Variants in DST observed in about 807,000 individuals in gnomAD.
The protein encoded by DST is bullous pemphigoid antigen.
In DST, 253 loss-of-function variants were observed where a neutral mutation model predicts 875.2. That is an observed-to-expected ratio of 0.29 (90% confidence interval 0.26 to 0.32). The LOEUF (loss-of-function observed/expected upper bound fraction) is 0.32. Ranked by LOEUF, DST falls within the 10% of genes least tolerant of loss-of-function variation. The probability of loss-of-function intolerance (pLI) is 1.00; values close to 1 mark genes in which losing one functional copy is unlikely to be tolerated. For missense variants in DST, 8,287 were observed against 9,111.6 expected (o/e 0.91, Z 3.68); for synonymous variants, 3,124 against 3,197.1 (o/e 0.98, Z 0.77).
rs2152566496 is a variant in DST, at chr6:56,561,219, C to T, written c.14310+89G>A. The stretch of plus-strand genomic sequence containing the variant: ...AAGGTTACAGAGCTAGAAAAGAAAA[C>T]AGAGCAGAGCTTCTGACTACCAGAG... On this transcript the variant is annotated intron_variant, in intron 57 of 103. Coordinates refer to ENST00000680361, the MANE Select transcript of DST (RefSeq NM_001374736.1). 2.9e-6 allele frequency: 4 copies of T among 1,389,322 alleles called. No individual in the cohort carries two copies. The South Asian group carries it at 6.4e-5, about 22-fold the overall frequency. 86.1% of individuals were successfully genotyped at this position (1,389,322 alleles called of 1,614,324 possible).
At chr6:56,601,995 G>T in intron 43 of DST, 1 of 448,094 alleles carries the variant, frequency 2.2e-6, no homozygotes, top group South Asian at 1.7e-5. Flanking sequence ...TTAGCACACT[G>T]AAGAGAAACA....
chr6:56,908,131 A>G (rs1199223202), intron 2 of DST, among the ~76,000 whole-genome samples: 1 of 152,104 alleles, frequency 6.6e-6, no homozygotes, highest in African/African-American at 2.4e-5. Context: ...ATACACACAT[A>G]TATGTATATA....
intron 5 of DST, among the ~76,000 whole-genome samples, chr6:56,713,011 A>G (rs2099382928): frequency 6.6e-6 from 1 of 152,356 alleles, no homozygotes; most frequent in Middle Eastern, 3.4e-3. Context: ...CCTGGGACAG[A>G]TACAGCAACC....
In DST at chr6:56,511,358, T is replaced by G. The variant is rs1389125535; in HGVS notation, c.18619A>C (p.Lys6207Gln). 1 of 1,608,256 alleles carries G rather than the reference T, an allele frequency of 6.2e-7. No homozygotes were observed. The highest frequency in any genetic ancestry group is 1.1e-5 in the South Asian group (1 of 89,646). Residue 6207 changes from lysine to glutamine, a missense_variant, in exon 73 of 104, where the codon AAG (lysine) becomes CAG (glutamine). Lys to Gln is a moderately conservative substitution (Grantham distance 53, BLOSUM62 1). Transcript: ENST00000680361. ...AACTGTGGCCCAGTTTTGTTCATCT[T>G]ATCTATATGAGGCTTGTGTTCAGCT... ...LIAEHKPHID[K>Q]MNKTGPQLLE... is the part of the protein sequence containing the mutation.
At position 56,605,464 on chromosome 6, in the gene DST, A is replaced by G; in HGVS notation, c.9164T>C (p.Leu3055Ser). Reference sequence around the variant, plus strand: ...TTCTACAAGCACTTCTCCTTCACCCAAGTACATTTTCTGAATTGATGTTTC... The same window carrying G: ...TTCTACAAGCACTTCTCCTTCACCCGAGTACATTTTCTGAATTGATGTTTC... The part of the protein sequence containing the change: ...EDETSIQKMY[L>S]GEGEVLVEGL... The change falls in exon 40 of 104, where the codon TTG becomes TCG. Residue 3055 changes from leucine to serine, a missense_variant. Around this residue, in one of 10 missense-constraint regions of DST, gnomAD observed 3,138 missense variants for 3,116.6 expected, o/e 1.01. Transcript: ENST00000680361. 1.2e-6 allele frequency: 2 copies of G among 1,612,932 alleles called. No individual in the cohort carries two copies. Among genetic ancestry groups the G allele is most frequent in the Non-Finnish European group, 8.5e-7 (1 of 1,179,298 alleles).
At chr6:56,685,453 A>T (rs2099178739) in intron 9 of DST, among the ~76,000 whole-genome samples, 1 of 152,212 alleles carries the variant, frequency 6.6e-6, no homozygotes, top group Non-Finnish European at 1.5e-5. Context: ...ACAATGAGAT[A>T]CCATCTCACA....
At chr6:56,517,858 T>G (rs973130414) in intron 69 of DST, among the ~76,000 whole-genome samples, 2 of 152,136 alleles carry the variant, frequency 1.3e-5, no homozygotes, top group African/African-American at 4.8e-5. Flanking sequence ...CATTAATGAT[T>G]TTAGGACAGC....
intron 4 of DST, among the ~76,000 whole-genome samples, chr6:56,812,174 CTGATAT>C (rs1029330388): frequency 1.6e-5 from 2 of 125,340 alleles, no homozygotes; most frequent in Non-Finnish European, 3.6e-5. Context: ...TCTATGGCAA[CTGATAT>C]AAATCTGACA....
intron 5 of DST, among the ~76,000 whole-genome samples, chr6:56,729,680 A>C (rs2099488838): frequency 6.6e-6 from 1 of 151,966 alleles, no homozygotes; most frequent in Non-Finnish European, 1.5e-5. Flanking sequence ...ATCACTTTGC[A>C]ATGGTCAAAA....
chr6:56,708,074 G>A (rs533663173), intron 5 of DST, among the ~76,000 whole-genome samples: 11 of 152,232 alleles, frequency 7.2e-5, no homozygotes, highest in Admixed American at 5.2e-4. Flanking sequence ...TCCAGCCTGG[G>A]CAAAAGAGTG....
At chr6:56,763,542 C>T (rs1053848319) in intron 4 of DST, among the ~76,000 whole-genome samples, 2 of 151,820 alleles carry the variant, frequency 1.3e-5, no homozygotes, top group South Asian at 2.1e-4. Flanking sequence ...CATGGTGGCA[C>T]GCACCTGTAG....
chr6:56,799,357 T>TC (rs2099744056), intron 4 of DST, among the ~76,000 whole-genome samples: 1 of 122,700 alleles, frequency 8.1e-6, no homozygotes, highest in African/African-American at 4.6e-5. Flanking sequence ...ACTATCTCTC[T>TC]TTTTTTTTTT....
At chr6:56,489,669 A>G in intron 85 of DST, 60 bp from the exon 86 acceptor site, 1 of 1,506,650 alleles carries the variant, frequency 6.6e-7, no homozygotes, top group Non-Finnish European at 9.0e-7. Context: ...CTTGAGATCT[A>G]GCACAGTTTT....
intron 27 of DST, 43 bp downstream of exon 27, chr6:56,634,089 A>G: frequency 6.2e-7 from 1 of 1,610,138 alleles, no homozygotes. Context: ...AAAGGCATGC[A>G]CATTTTTGGA....
At chr6:56,849,962 C>T (rs1236234105) in intron 4 of DST, among the ~76,000 whole-genome samples, 1 of 152,200 alleles carries the variant, frequency 6.6e-6, no homozygotes, top group Non-Finnish European at 1.5e-5. Context: ...AGTCAAACAT[C>T]TGGTATGGGC....
intron 9 of DST, among the ~76,000 whole-genome samples, chr6:56,681,341 C>T (rs1041300801): frequency 6.6e-6 from 1 of 152,176 alleles, no homozygotes; most frequent in Non-Finnish European, 1.5e-5. Flanking sequence ...ACCCCAAACA[C>T]TCCTTGTGCT....
intron 4 of DST, among the ~76,000 whole-genome samples, chr6:56,739,202 C>T (rs149366666): frequency 0.021 from 3,165 of 150,548 alleles, 43 homozygotes; most frequent in Middle Eastern, 0.034. Flanking sequence ...GAAGGACAAT[C>T]CAACTGAGGA....
intron 45 of DST, 68 bp downstream of exon 45, chr6:56,600,001 T>C (rs1161637135): frequency 7.1e-7 from 1 of 1,413,738 alleles, no homozygotes; most frequent in African/African-American, 1.4e-5. Flanking sequence ...TAATCTTCAC[T>C]GACTTCCAAA....
intron 36 of DST, among the ~76,000 whole-genome samples, chr6:56,623,409 G>A (rs576072581): frequency 6.6e-6 from 1 of 152,246 alleles, no homozygotes; most frequent in East Asian, 1.9e-4. Context: ...TTCTTTCATA[G>A]ATGAGAGATG....
Sources: gnomAD v4.1 joint callset for allele counts (sites outside exome capture counted in the v4.1 genomes callset) on GRCh38, gnomAD v4.1.1 for gene constraint, gnomAD v4.1.1 regional missense constraint, MANE v1.5 for transcripts, NCBI Gene and HGNC (gene_info 2026-07-23, HGNC 2026-07-21) for gene names.